Variants in MAP4K3 observed in about 807,000 individuals in gnomAD.
MAP4K3 encodes MAPK/ERK kinase kinase kinase 3.
In MAP4K3, 94 loss-of-function variants were observed where a neutral mutation model predicts 143.5. The observed-to-expected ratio is 0.65, with a 90% CI of 0.55 to 0.78. MAP4K3 has a LOEUF of 0.78. Among genes scored for constraint, MAP4K3 ranks in the 30% least tolerant of loss-of-function variants. The probability of loss-of-function intolerance (pLI) is 0.00; values close to 1 mark genes in which losing one functional copy is unlikely to be tolerated. For synonymous variants in MAP4K3, 416 were observed against 347.2 expected, an observed-to-expected ratio of 1.20 and a Z score of -2.20; for missense variants, 1,077 against 1,068.1, an observed-to-expected ratio of 1.01 and a Z score of -0.12.
At chr2:39,384,643 T>C (rs182253977) in intron 1 of MAP4K3, among the ~76,000 whole-genome samples, 1 of 152,352 alleles carries the variant, frequency 6.6e-6, no homozygotes, top group Admixed American at 6.5e-5. Context: ...ATCCAATACA[T>C]TAGCCCCATA....
intron 1 of MAP4K3, among the ~76,000 whole-genome samples, chr2:39,416,761 A>G (rs1377973986): frequency 6.6e-6 from 1 of 152,236 alleles, no homozygotes; most frequent in Non-Finnish European, 1.5e-5. Context: ...ATAAAAAAGA[A>G]TATTTTTAAA....
chr2:39,365,506 G>A (rs895012117), intron 2 of MAP4K3, among the ~76,000 whole-genome samples: 6 of 145,228 alleles, frequency 4.1e-5, no homozygotes, highest in East Asian at 2.0e-4. Flanking sequence ...CTGCAGTGGC[G>A]CAATCTCGGC....
intron 1 of MAP4K3, among the ~76,000 whole-genome samples, chr2:39,436,386 A>C (rs967990186): frequency 6.6e-6 from 1 of 152,064 alleles, no homozygotes. Flanking sequence ...TAAGGCGCTA[A>C]AGGCTGAGAG....
intron 4 of MAP4K3, among the ~76,000 whole-genome samples, chr2:39,342,510 A>G (rs1260274096): frequency 6.6e-6 from 1 of 152,196 alleles, no homozygotes; most frequent in Non-Finnish European, 1.5e-5. Context: ...TAAGTTTTCT[A>G]AAATGATTCC....
At chr2:39,282,629 T>C in intron 21 of MAP4K3, 75 bp from the exon 22 acceptor site, 1 of 960,280 alleles carries the variant, frequency 1.0e-6, no homozygotes, top group Non-Finnish European at 1.6e-6. Flanking sequence ...TTCAAACACA[T>C]TTATTCAAAT....
intron 29 of MAP4K3, among the ~76,000 whole-genome samples, chr2:39,260,257 G>A (rs1014626047): frequency 6.6e-6 from 1 of 152,052 alleles, no homozygotes; most frequent in Non-Finnish European, 1.5e-5. Context: ...GGGACTACAG[G>A]CATGCACCAC....
intron 1 of MAP4K3, among the ~76,000 whole-genome samples, chr2:39,416,884 G>C (rs1317836158): frequency 6.6e-6 from 1 of 152,188 alleles, no homozygotes; most frequent in Non-Finnish European, 1.5e-5. Flanking sequence ...TTTACTAGCT[G>C]TGGAGCCTTG....
chr2:39,278,382 A>T, intron 24 of MAP4K3, 25 bp downstream of exon 24: 1 of 1,430,034 alleles, frequency 7.0e-7, no homozygotes, highest in Non-Finnish European at 9.6e-7. Context: ...AATTAAAAAA[A>T]AAAAGAATAT....
intron 1 of MAP4K3, among the ~76,000 whole-genome samples, chr2:39,406,453 G>C (rs1667095412): frequency 6.6e-6 from 1 of 152,058 alleles, no homozygotes; most frequent in Non-Finnish European, 1.5e-5. Context: ...ACTCCCAAAG[G>C]TCAAGGATAA....
intron 17 of MAP4K3, 147 bp from the exon 18 acceptor site, chr2:39,292,973 A>G: frequency 1.4e-6 from 1 of 737,694 alleles, no homozygotes; most frequent in Non-Finnish European, 2.3e-6. Context: ...AATTAAAACA[A>G]GGAACTGGGA....
At chr2:39,366,272 T>A (rs941958629) in intron 2 of MAP4K3, among the ~76,000 whole-genome samples, 1 of 9,656 alleles carries the variant, frequency 1.0e-4, no homozygotes, top group African/African-American at 4.5e-4. Flanking sequence ...AGCAGGGTGG[T>A]GGGGTGGGGG....
In MAP4K3 at chr2:39,272,272, T is replaced by G; in HGVS notation, c.1973+11A>C. ...GTTAATATCATATTGCCTCTAAGGA[T>G]GTACCCTTACCTTGGCAGTATTCTG... On this transcript the variant is annotated intron_variant, in intron 26 of 33. Transcript: ENST00000263881. 6.4e-7 allele frequency: 1 copy of G among 1,570,650 alleles called. No homozygotes were observed. The highest frequency in any genetic ancestry group is 8.8e-7 in the Non-Finnish European group (1 of 1,140,940).
chr2:39,403,252 C>T (rs1301637348), intron 1 of MAP4K3, among the ~76,000 whole-genome samples: 18 of 152,150 alleles, frequency 1.2e-4, no homozygotes, highest in Admixed American at 1.1e-3. Context: ...CAACTATCTA[C>T]ACACAAAAAA....
intron 2 of MAP4K3, among the ~76,000 whole-genome samples, chr2:39,373,903 T>C (rs1201054060): frequency 1.3e-5 from 2 of 152,096 alleles, no homozygotes; most frequent in Admixed American, 6.5e-5. Context: ...AGGGTGACTT[T>C]AGTAACAACA....
chr2:39,254,024 G>A (rs530432192), intron 32 of MAP4K3, among the ~76,000 whole-genome samples: 5 of 152,176 alleles, frequency 3.3e-5, no homozygotes, highest in African/African-American at 4.8e-5. Flanking sequence ...AGAGGTAAGT[G>A]GGCTTCCAGA....
intron 2 of MAP4K3, among the ~76,000 whole-genome samples, chr2:39,360,198 C>T (rs914879603): frequency 6.6e-6 from 1 of 152,214 alleles, no homozygotes; most frequent in Non-Finnish European, 1.5e-5. Context: ...CCATAGATCT[C>T]TAGGGCAGGG....
chr2:39,389,449 T>C (rs978010855), intron 1 of MAP4K3, among the ~76,000 whole-genome samples: 3 of 152,036 alleles, frequency 2.0e-5, no homozygotes, highest in African/African-American at 7.2e-5. Context: ...AGACACAGTC[T>C]CAAGGAGAGC....
chr2:39,412,305 G>C (rs1474700532), intron 1 of MAP4K3, among the ~76,000 whole-genome samples: 1 of 152,172 alleles, frequency 6.6e-6, no homozygotes, highest in East Asian at 1.9e-4. Context: ...GCTATACGCT[G>C]AACAGCTCAC....
chr2:39,335,889 C>A (rs1335227697), intron 6 of MAP4K3, among the ~76,000 whole-genome samples: 2 of 152,154 alleles, frequency 1.3e-5, no homozygotes, highest in East Asian at 3.9e-4. Context: ...AGTTTATCAT[C>A]AGAAACCCAG....
Sources: gnomAD v4.1 joint callset for allele counts (sites outside exome capture counted in the v4.1 genomes callset) on GRCh38, gnomAD v4.1.1 for gene constraint, MANE v1.5 for transcripts, NCBI Gene and HGNC (gene_info 2026-07-23, HGNC 2026-07-21) for gene names.